The following SLC30A6 variants were observed in gnomAD, a reference collection of about 807,000 sequenced individuals.
SLC30A6 encodes zinc transporter 6.
SLC30A6 carries 55 observed loss-of-function variants against 63.0 expected under a neutral mutation model. The ratio of observed to expected loss-of-function variants is 0.87; its 90% CI spans 0.70 to 1.09. The LOEUF is 1.09. SLC30A6 is among the 50% of genes least tolerant of loss of function. SLC30A6 has a pLI of 0.00. For synonymous variants in SLC30A6, 224 were observed against 186.1 expected, an observed-to-expected ratio of 1.20 and a Z score of -1.66; for missense variants, 587 against 549.2, an observed-to-expected ratio of 1.07 and a Z score of -0.69.
At chr2:32,181,596 G>C (rs1440475546) in intron 4 of SLC30A6, among the ~76,000 whole-genome samples, 1 of 152,138 alleles carries the variant, frequency 6.6e-6, no homozygotes, top group Non-Finnish European at 1.5e-5. Context: ...GCCGGGCGAG[G>C]TGGCTCACGC....
At chr2:32,173,605 C>T (rs1235831622) in intron 2 of SLC30A6, among the ~76,000 whole-genome samples, 1 of 152,120 alleles carries the variant, frequency 6.6e-6, no homozygotes, top group Non-Finnish European at 1.5e-5. Flanking sequence ...CTCCTGACCT[C>T]CACCCACCTT....
At chr2:32,186,444 G>A (rs532028639) in intron 5 of SLC30A6, among the ~76,000 whole-genome samples, 5 of 152,316 alleles carry the variant, frequency 3.3e-5, no homozygotes, top group African/African-American at 9.6e-5. Context: ...CCGGGACTTC[G>A]GGAGGCCAAG....
rs76027085 is a variant in SLC30A6 at position 32,178,242 on chromosome 2, C to T, written c.218+2881C>T. 4.2e-3 allele frequency among the ~76,000 whole-genome samples: 639 copies of T among 152,128 alleles called. 3 individuals are homozygous for T. Among genetic ancestry groups the T allele is most frequent in the Middle Eastern group, 6.8e-3 (2 of 294 alleles). On this transcript the variant is annotated intron_variant, in intron 4 of 13. Coordinates refer to ENST00000282587, the MANE Select transcript of SLC30A6 (RefSeq NM_017964.5). ...GATTACAGACGTGAGCCACCGCACC[C>T]GGCCAAGTTATTTTTTTTTAATGGT...
intron 4 of SLC30A6, chr2:32,177,466 A>G (rs1047207018): frequency 4.2e-6 from 1 of 235,876 alleles, no homozygotes; most frequent in South Asian, 3.5e-5. Context: ...AATTTTTTGT[A>G]TTTTTATTAG....
intron 13 of SLC30A6, among the ~76,000 whole-genome samples, chr2:32,211,701 T>A (rs1685270055): frequency 6.6e-6 from 1 of 152,194 alleles, no homozygotes; most frequent in Admixed American, 6.5e-5. Flanking sequence ...CACTGCAGCC[T>A]CTGCCTCCAG....
chr2:32,187,743 C>T (rs995351578), intron 5 of SLC30A6, among the ~76,000 whole-genome samples: 6 of 152,174 alleles, frequency 3.9e-5, no homozygotes, highest in African/African-American at 1.4e-4. Context: ...TTCCCCGTCT[C>T]AGTAAATACC....
chr2:32,196,950 C>T (rs1683844773), intron 8 of SLC30A6, among the ~76,000 whole-genome samples: 1 of 152,142 alleles, frequency 6.6e-6, no homozygotes, highest in Admixed American at 6.5e-5. Context: ...ATCCCAGCCA[C>T]ATGGGAGGCT....
At chr2:32,202,331 T>TTTTGTTTG (rs555229530) in intron 10 of SLC30A6, 3 of 389,180 alleles carry the variant, frequency 7.7e-6, no homozygotes, top group African/African-American at 2.1e-5. Flanking sequence ...AGAAACAGTT[T>TTTTGTTTG]TTTGTTTGTT....
At chr2:32,189,351 G>T (rs1349570687) in intron 5 of SLC30A6, among the ~76,000 whole-genome samples, 2 of 148,574 alleles carry the variant, frequency 1.3e-5, no homozygotes, top group African/African-American at 5.0e-5. Flanking sequence ...GAGTGCAGTG[G>T]TGCGACCTTG....
intron 9 of SLC30A6, 40 bp from the exon 10 acceptor site, chr2:32,197,667 G>A: frequency 1.2e-6 from 2 of 1,612,064 alleles, no homozygotes; most frequent in Non-Finnish European, 1.7e-6. Context: ...TTTTATGTGA[G>A]TTCTGCTAAT....
intron 4 of SLC30A6, among the ~76,000 whole-genome samples, chr2:32,181,380 G>A (rs1047706998): frequency 3.3e-5 from 5 of 152,048 alleles, no homozygotes; most frequent in African/African-American, 1.2e-4. Flanking sequence ...CTGATTTGAG[G>A]ATTATTAAGA....
Position 32,209,557 on chromosome 2 carries a change from C to T in SLC30A6, c.881C>T (p.Ser294Leu). ...CATTTTTGGACCCTAGGTTTTGGCT[C>T]ATTGGTATGTTCTTTTACATATGAC... ...NEHFWTLGFGSLAGSVHVRIR... is the reference protein window; with the variant it reads ...NEHFWTLGFGLLAGSVHVRIR... The change falls in exon 13 of 14, where the codon TCA (serine) becomes TTA (leucine). Residue 294 changes from serine (S) to leucine (L), a missense_variant. Physicochemically the swap from Ser to Leu is moderately radical, Grantham distance 145. Transcript: ENST00000282587. 1 of 1,611,222 alleles carries T rather than the reference C, an allele frequency of 6.2e-7. No homozygotes were observed. Among genetic ancestry groups the T allele is most frequent in the Non-Finnish European group, 8.5e-7 (1 of 1,178,744 alleles).
chr2:32,193,858 T>C (rs528643473), intron 7 of SLC30A6, 31 bp from the exon 8 acceptor site: 2 of 1,547,284 alleles, frequency 1.3e-6, no homozygotes, highest in East Asian at 4.5e-5. Context: ...AAGAACAAAT[T>C]AAAGGTGAAT....
intron 10 of SLC30A6, chr2:32,202,785 C>G: frequency 1.4e-6 from 1 of 726,466 alleles, no homozygotes. Flanking sequence ...TTCTGCAGCT[C>G]GCCCACAGTG....
chr2:32,214,984 A>C (rs1379383974), intron 13 of SLC30A6, among the ~76,000 whole-genome samples: 1 of 152,192 alleles, frequency 6.6e-6, no homozygotes, highest in East Asian at 1.9e-4. Context: ...TTCAAGGAAT[A>C]TAGATATTTT....
chr2:32,196,706 G>A (rs1190897190), intron 8 of SLC30A6, among the ~76,000 whole-genome samples: 1 of 152,056 alleles, frequency 6.6e-6, no homozygotes, highest in Non-Finnish European at 1.5e-5. Flanking sequence ...TTCAGATTTG[G>A]GATCCTCAGC....
At chr2:32,169,693 C>T (rs1369925059) in intron 1 of SLC30A6, among the ~76,000 whole-genome samples, 12 of 152,154 alleles carry the variant, frequency 7.9e-5, no homozygotes, top group Admixed American at 5.2e-4. Flanking sequence ...AATGGGGCTG[C>T]GACAGAGTGA....
intron 4 of SLC30A6, among the ~76,000 whole-genome samples, chr2:32,178,323 C>T (rs1226839592): frequency 2.0e-5 from 3 of 152,008 alleles, no homozygotes; most frequent in Non-Finnish European, 2.9e-5. Flanking sequence ...GTTGTCCTAT[C>T]ATCATTTGTT....
chr2:32,201,742 T>C (rs1684312599), intron 10 of SLC30A6: 3 of 1,333,662 alleles, frequency 2.2e-6, no homozygotes, highest in Non-Finnish European at 2.1e-6. Context: ...ACTTCCCTTA[T>C]ATGGTTTTTA....
Sources: gnomAD v4.1 joint callset for allele counts (sites outside exome capture counted in the v4.1 genomes callset) on GRCh38, gnomAD v4.1.1 for gene constraint, MANE v1.5 for transcripts, NCBI Gene and HGNC (gene_info 2026-07-23, HGNC 2026-07-21) for gene names.